BEND2: variants seen among roughly 807,000 people sequenced by gnomAD.
BEND2 encodes the protein BEN domain-containing protein 2.
In BEND2, 19 loss-of-function variants were observed where a neutral mutation model predicts 43.8. The ratio of observed to expected loss-of-function variants is 0.43; its 90% CI spans 0.30 to 0.64. The LOEUF is 0.64. Ranked by LOEUF, BEND2 falls within the 30% of genes least tolerant of loss-of-function variation. BEND2 has a pLI of 0.11. For missense variants in BEND2, 544 were observed against 574.0 expected, an observed-to-expected ratio of 0.95 and a Z score of 0.53; for synonymous variants, 226 against 210.1, an observed-to-expected ratio of 1.08 and a Z score of -0.66.
In BEND2 at chrX:18,187,795, A is replaced by C. The variant is rs776726225; in HGVS notation, c.1288+3206T>G. ...AATAAGTCTGAAAATATTCAAAAGA[A>C]TTGAAAATTATTCAATTTCAAGCAT... On this transcript the variant is annotated intron_variant, in intron 8 of 13. Coordinates refer to ENST00000380033, the MANE Select transcript of BEND2 (RefSeq NM_153346.5). Among the ~76,000 whole-genome samples the C allele has an allele frequency of 3.0e-4, 34 of 112,423 alleles. 1 individual carries two copies. In the South Asian group the frequency reaches 0.012, roughly 41 times the overall value.
intron 10 of BEND2, among the ~76,000 whole-genome samples, chrX:18,176,555 T>C (rs1324750987): frequency 9.2e-6 from 1 of 108,757 alleles, no homozygotes; most frequent in Admixed American, 1.0e-4. Context: ...GGCATGCACC[T>C]GTGGGCCTAG....
rs762237441 is a variant in BEND2 at position 18,164,371 on chromosome X, A to T, written c.*638T>A. 54 of 111,823 alleles carry T rather than the reference A, an allele frequency of 4.8e-4. No individual in the cohort carries two copies. The highest frequency in any genetic ancestry group is 1.5e-3 in the African/African-American group (47 of 30,836). The allele number at this position is 111,823 out of a possible 1,213,427, so 9.2% of individuals were successfully genotyped here. ...TTTGTAGGCATAGCCTAACTTATAA[A>T]GATGTATGTAGAAGTACTATGGTTT... On this transcript the variant is annotated 3_prime_UTR_variant, in exon 14 of 14. Transcript: ENST00000380033.
rs778556217 is a variant in BEND2, at chrX:18,171,021, T to C, written c.2165A>G (p.Asn722Ser). 2.5e-6 allele frequency: 3 copies of C among 1,210,157 alleles called. No individual in the cohort carries two copies. The highest frequency in any genetic ancestry group is 3.4e-6 in the Non-Finnish European group (3 of 893,621). ...LKHGLCALDP[N>S]KISALREFLQ... ...CAAACCTCGGAGAGCACTAATCTTA[T>C]TGGGGTCAAGGGCACACAGGCCATG... is the stretch of plus-strand genomic sequence containing the variant. Residue 722 changes from asparagine (N) to serine (S), a missense_variant, in exon 13 of 14, where the codon AAT (asparagine) becomes AGT (serine). Around this residue, in one of 2 missense-constraint regions of BEND2, gnomAD observed 43 missense variants for 72.4 expected, o/e 0.59. Coordinates refer to ENST00000380033, the MANE Select transcript of BEND2 (RefSeq NM_153346.5).
intron 8 of BEND2, among the ~76,000 whole-genome samples, chrX:18,188,584 A>T (rs979710252): frequency 9.0e-5 from 10 of 111,619 alleles, no homozygotes; most frequent in Non-Finnish European, 3.8e-5. Context: ...CCGTGAAGGA[A>T]TCCAAAACCT....
intron 8 of BEND2, among the ~76,000 whole-genome samples, chrX:18,181,086 A>G (rs998732645): frequency 7.2e-5 from 8 of 111,549 alleles, no homozygotes; most frequent in Admixed American, 5.7e-4. Flanking sequence ...ATCTTCAAAC[A>G]GAAAGATTAT....
At position 18,164,676 on chromosome X, in the gene BEND2, A is replaced by G. The variant is rs2073111616; in HGVS notation, c.*333T>C. 6.3e-6 allele frequency: 1 copy of G among 159,223 alleles called. No individual in the cohort carries two copies. The highest frequency in any genetic ancestry group is 3.1e-5 in the African/African-American group (1 of 32,622). 13.1% of individuals were successfully genotyped at this position (159,223 alleles called of 1,213,427 possible). A position where few individuals can be genotyped will look rare whatever the true frequency, so the allele number is the denominator to read the frequency against. ...ATATTATTTGACTGAGTGGCTCCTTACTTTCTATTGAATTTCTTTCTCTAC... is the reference window on the plus strand; with the variant it reads ...ATATTATTTGACTGAGTGGCTCCTTGCTTTCTATTGAATTTCTTTCTCTAC... On this transcript the variant is annotated 3_prime_UTR_variant, in exon 14 of 14. Coordinates refer to ENST00000380033, the MANE Select transcript of BEND2 (RefSeq NM_153346.5).
intron 4 of BEND2, among the ~76,000 whole-genome samples, chrX:18,211,670 C>A (rs181181110): frequency 1.0e-3 from 111 of 110,722 alleles, no homozygotes; most frequent in African/African-American, 3.5e-3. Flanking sequence ...GTAATTCCAA[C>A]TACTCAGGAG....
intron 9 of BEND2, among the ~76,000 whole-genome samples, chrX:18,178,115 A>G (rs1195235059): frequency 9.0e-6 from 1 of 111,677 alleles, no homozygotes; most frequent in Non-Finnish European, 1.9e-5. Context: ...CTGAGTTCCC[A>G]CTGCTCCATT....
At chrX:18,216,370 C>G in intron 2 of BEND2, 151 bp downstream of exon 2, 3 of 506,484 alleles carry the variant, frequency 5.9e-6, no homozygotes, top group Non-Finnish European at 1.0e-5. Flanking sequence ...AGGGAAAATG[C>G]AAGCAGAAGT....
rs12007291 is a variant in BEND2, at chrX:18,167,678, C to G, written c.2186-2455G>C. Among the ~76,000 whole-genome samples, 95 of 111,639 alleles carry G rather than the reference C, an allele frequency of 8.5e-4. 1 individual carries two copies. Among genetic ancestry groups the G allele is most frequent in the African/African-American group, 2.8e-3 (87 of 30,717 alleles). On this transcript the variant is annotated intron_variant, in intron 13 of 13. Transcript: ENST00000380033. Reference sequence around the variant, plus strand: ...TTCTAGGCTCAAGTGATCCTCCTGCCTCAGCCTCCCAAGTAGCTAGGGAGT... The same window carrying G: ...TTCTAGGCTCAAGTGATCCTCCTGCGTCAGCCTCCCAAGTAGCTAGGGAGT...
chrX:18,199,342 T>G (rs1234712479), intron 6 of BEND2, among the ~76,000 whole-genome samples: 2 of 111,045 alleles, frequency 1.8e-5, no homozygotes, highest in Non-Finnish European at 3.8e-5. Flanking sequence ...CAAGGGAGAT[T>G]GGGGGAGGTG....
At chrX:18,217,120 T>G (rs1416913765) in intron 1 of BEND2, among the ~76,000 whole-genome samples, 1 of 112,748 alleles carries the variant, frequency 8.9e-6, no homozygotes, top group Admixed American at 9.4e-5. Flanking sequence ...GTTCTAAATT[T>G]GTTCTCTAAA....
chrX:18,196,541 CA>C (rs1924958821), intron 6 of BEND2, among the ~76,000 whole-genome samples: 1 of 108,973 alleles, frequency 9.2e-6, no homozygotes, highest in Non-Finnish European at 1.9e-5. Flanking sequence ...GTCCTAATAC[CA>C]AAGAGTGGGA....
At chrX:18,201,220 C>T (rs1238818569) in intron 6 of BEND2, among the ~76,000 whole-genome samples, 1 of 107,849 alleles carries the variant, frequency 9.3e-6, no homozygotes, top group Admixed American at 1.0e-4. Context: ...ATGGAGAAAC[C>T]TCGTCTCTAC....
chrX:18,189,238 G>T (rs1319867540), intron 8 of BEND2, among the ~76,000 whole-genome samples: 1 of 108,134 alleles, frequency 9.2e-6, no homozygotes, highest in Non-Finnish European at 1.9e-5. Flanking sequence ...ATGGCCATGG[G>T]GTCTCATGCC....
intron 9 of BEND2, among the ~76,000 whole-genome samples, chrX:18,179,188 T>TTG (rs1924288749): frequency 1.0e-5 from 1 of 96,663 alleles, no homozygotes; most frequent in African/African-American, 3.8e-5. Flanking sequence ...TGTTTTTTTT[T>TTG]TTTTTTTTTT....
intron 8 of BEND2, 108 bp from the exon 9 acceptor site, chrX:18,180,758 GC>G: frequency 1.7e-6 from 1 of 572,452 alleles, no homozygotes; most frequent in Non-Finnish European, 2.7e-6. Context: ...AAGATTTGTT[GC>G]CAGCAGACCT....
intron 8 of BEND2, among the ~76,000 whole-genome samples, chrX:18,185,845 A>C (rs762832714): frequency 9.0e-6 from 1 of 110,721 alleles, no homozygotes; most frequent in Admixed American, 9.6e-5. Context: ...AAGGAAAAAA[A>C]TTTTATCCTA....
intron 8 of BEND2, among the ~76,000 whole-genome samples, chrX:18,187,129 A>T (rs1924603210): frequency 9.0e-6 from 1 of 111,035 alleles, no homozygotes; most frequent in Non-Finnish European, 1.9e-5. Context: ...ACAAAATCGC[A>T]GGAAAAAGTC....
Sources: allele counts gnomAD v4.1 joint callset (sites outside exome capture counted in the v4.1 genomes callset), GRCh38; gene constraint gnomAD v4.1.1; regional missense constraint gnomAD v4.1.1; transcripts MANE v1.5; gene names NCBI Gene and HGNC (gene_info 2026-07-23, HGNC 2026-07-21).